CACNA1S: variants seen among roughly 807,000 people sequenced by gnomAD.
CACNA1S encodes the protein calcium voltage-gated channel subunit alpha1 S.
A neutral mutation model predicts 207.4 loss-of-function variants in CACNA1S; 126 were observed. The ratio of observed to expected loss-of-function variants is 0.61; its 90% CI spans 0.53 to 0.70. The LOEUF (loss-of-function observed/expected upper bound fraction) is 0.70. Among genes scored for constraint, CACNA1S ranks in the 30% least tolerant of loss-of-function variants. The pLI, the probability that CACNA1S is intolerant of heterozygous loss-of-function variation, is 0.00. For synonymous variants in CACNA1S, 960 were observed against 932.7 expected, an observed-to-expected ratio of 1.03 and a Z score of -0.53; for missense variants, 2,349 against 2,422.8, an observed-to-expected ratio of 0.97 and a Z score of 0.64.
intron 22 of CACNA1S, among the ~76,000 whole-genome samples, chr1:201,063,479 G>A (rs1358177577): frequency 6.6e-6 from 1 of 152,044 alleles, no homozygotes; most frequent in Non-Finnish European, 1.5e-5. Context: ...TAGTGAGAAG[G>A]GGTTTCACCA....
intron 3 of CACNA1S, among the ~76,000 whole-genome samples, chr1:201,093,648 G>A (rs1572063813): frequency 6.6e-6 from 1 of 152,206 alleles, no homozygotes; most frequent in South Asian, 2.1e-4. Flanking sequence ...GGAATTTATA[G>A]CATCTAGCAG....
chr1:201,059,273 G>A lies in CACNA1S; in HGVS notation c.3441C>T (p.Asn1147=). The A allele has an allele frequency of 6.2e-7, 1 of 1,613,796 alleles. No homozygotes were observed. The highest frequency in any genetic ancestry group is 1.7e-5 in the Admixed American group (1 of 60,024). Residue 1147 remains asparagine (N), a synonymous_variant, in exon 27 of 44, where the codon AAC becomes AAT. Coordinates refer to ENST00000362061, the MANE Select transcript of CACNA1S (RefSeq NM_000069.3). The part of the protein sequence containing the change: ...MQHYNQSEQM[N]HISDILNVAF... ...CCACATTGAGGATGTCTGAGATGTG[G>A]TTCATCTGCTCCGACTGGTTGTAGT...
chr1:201,057,314 C>T (rs758595765), intron 28 of CACNA1S, among the ~76,000 whole-genome samples: 1 of 152,254 alleles, frequency 6.6e-6, no homozygotes, highest in Non-Finnish European at 1.5e-5. Context: ...TCTGCCAACA[C>T]TCTGGCCCCC....
At chr1:201,051,897 G>A (rs1036684691) in intron 32 of CACNA1S, among the ~76,000 whole-genome samples, 4 of 152,134 alleles carry the variant, frequency 2.6e-5, no homozygotes, top group African/African-American at 7.2e-5. Flanking sequence ...GTGAGGTGCC[G>A]GTCTCCTTTT....
rs1178450041 is a variant in CACNA1S at position 201,112,184 on chromosome 1, A to G, written c.152+4T>C. 1.9e-6 allele frequency: 3 copies of G among 1,611,072 alleles called. No individual in the cohort carries two copies. Among genetic ancestry groups the G allele is most frequent in the Non-Finnish European group, 2.5e-6 (3 of 1,178,238 alleles). ...CCCCCCACGGCCCGGGCCCTGAAGG[A>G]TACTTCCATTCTACAATGCTGATGC... On this transcript the variant is annotated splice_donor_region_variant and intron_variant, in intron 1 of 43. Coordinates refer to ENST00000362061, the MANE Select transcript of CACNA1S (RefSeq NM_000069.3).
At chr1:201,050,302 T>G (rs1489090576) in intron 34 of CACNA1S, 87 bp downstream of exon 34, 24 of 1,425,394 alleles carry the variant, frequency 1.7e-5, no homozygotes, top group East Asian at 2.3e-5. Flanking sequence ...CCACTCATAC[T>G]GAATAAACTG....
Position 201,062,344 on chromosome 1 carries a change from G to A in CACNA1S, c.2906+118C>T, listed in dbSNP as rs536021142. The stretch of plus-strand genomic sequence containing the variant: ...ACACACAGTCCCCTGCCCTGTGATC[G>A]TCCTGCCACACTCCCTGCCCCGTGA... On this transcript the variant is annotated intron_variant, in intron 23 of 43. Coordinates refer to ENST00000362061, the MANE Select transcript of CACNA1S (RefSeq NM_000069.3). 64 of 1,106,206 alleles carry A rather than the reference G, an allele frequency of 5.8e-5. No individual in the cohort carries two copies. The East Asian group carries it at 5.9e-4, about 10-fold the overall frequency. The allele number at this position is 1,106,206 out of a possible 1,614,324, so 68.5% of individuals were successfully genotyped here.
intron 22 of CACNA1S, 120 bp downstream of exon 22, chr1:201,065,718 C>T (rs1661212164): frequency 2.7e-6 from 2 of 732,640 alleles, no homozygotes; most frequent in Non-Finnish European, 2.5e-6. Context: ...AAAATATTCT[C>T]ATATGGAAAT....
intron 34 of CACNA1S, 69 bp from the exon 35 acceptor site, chr1:201,049,168 G>A: frequency 9.2e-7 from 1 of 1,086,034 alleles, no homozygotes; most frequent in South Asian, 1.3e-5. Flanking sequence ...CTGCTCAGAG[G>A]ATGGGCAATG....
At chr1:201,058,376 C>A (rs1314558485) in intron 28 of CACNA1S, 32 bp downstream of exon 28, 1 of 1,583,418 alleles carries the variant, frequency 6.3e-7, no homozygotes, top group Non-Finnish European at 8.7e-7. Context: ...TTGGGCCCAC[C>A]CTAGTGATGG....
intron 38 of CACNA1S, among the ~76,000 whole-genome samples, chr1:201,045,776 C>CTGATTT (rs1469677377): frequency 2.7e-5 from 4 of 146,282 alleles, no homozygotes; most frequent in Non-Finnish European, 6.0e-5. Flanking sequence ...TGTTAATTTC[C>CTGATTT]TGATTTTGTG....
chr1:201,075,032 C>A (rs980986862), intron 13 of CACNA1S, among the ~76,000 whole-genome samples: 2 of 152,184 alleles, frequency 1.3e-5, no homozygotes, highest in Non-Finnish European at 2.9e-5. Context: ...CTCTCCGGCC[C>A]CATCCACCTT....
intron 2 of CACNA1S, among the ~76,000 whole-genome samples, chr1:201,103,249 A>C (rs1662745720): frequency 6.6e-6 from 1 of 151,686 alleles, no homozygotes; most frequent in Non-Finnish European, 1.5e-5. Flanking sequence ...GGTCTCAAAA[A>C]AAAAAAAAAA....
chr1:201,043,353 G>A lies in CACNA1S; in HGVS notation c.4976C>T (p.Ala1659Val). 1.2e-6 allele frequency: 2 copies of A among 1,614,200 alleles called. No individual in the cohort carries two copies. The highest frequency in any genetic ancestry group is 1.3e-5 in the African/African-American group (1 of 75,046). The change falls in exon 40 of 44, where the codon GCC becomes GTC. Residue 1659 changes from alanine (A) to valine (V), a missense_variant. Coordinates refer to ENST00000362061, the MANE Select transcript of CACNA1S (RefSeq NM_000069.3). ...QDPRTNPLAR[A>V]NTNNANANVA... ...ATTGGCGTTGGCATTGTTGGTATTG[G>A]CACGAGCCAGGGGGTTGGTGCGTGG...
At chr1:201,082,545 C>A (rs950328512) in intron 10 of CACNA1S, among the ~76,000 whole-genome samples, 1 of 152,192 alleles carries the variant, frequency 6.6e-6, no homozygotes, top group Non-Finnish European at 1.5e-5. Flanking sequence ...CCTTTAAGAT[C>A]CACAGAGTTT....
intron 42 of CACNA1S, 27 bp downstream of exon 42, chr1:201,040,595 T>C (rs1384607845): frequency 1.3e-6 from 2 of 1,599,698 alleles, no homozygotes; most frequent in East Asian, 2.2e-5. Context: ...TGTATGGAGT[T>C]TGCTCCCAGG....
intron 10 of CACNA1S, among the ~76,000 whole-genome samples, chr1:201,082,119 T>C (rs113743154): frequency 0.064 from 9,587 of 150,510 alleles, 394 homozygotes; most frequent in East Asian, 0.19. Context: ...ATCTCCACCT[T>C]CCAGGTTCAA....
chr1:201,111,362 C>T (rs575160288), intron 1 of CACNA1S, among the ~76,000 whole-genome samples: 6 of 152,196 alleles, frequency 3.9e-5, no homozygotes, highest in Non-Finnish European at 7.4e-5. Context: ...GCTCTCAGAA[C>T]CCACTTGACA....
rs763695518 is a variant in CACNA1S at position 201,044,330 on chromosome 1, G to A, written c.4795C>T (p.Arg1599Trp). ...GGGTGCTCCTGGCTCTCCCTCACCC[G>A]GAATATTCCCTCCTCCATCGCAGCC... The part of the protein sequence containing the change: ...VEAAMEEGIF[R>W]RTGGLFGQVD... Residue 1599 changes from arginine to tryptophan, a missense_variant and splice_region_variant, in exon 39 of 44, where the codon CGG becomes TGG. Physicochemically the swap from Arg to Trp is moderately radical, Grantham distance 101 (BLOSUM62 -3). Coordinates refer to ENST00000362061, the MANE Select transcript of CACNA1S (RefSeq NM_000069.3). 19 of 1,613,112 alleles carry A rather than the reference G, an allele frequency of 1.2e-5. No homozygotes were observed. The highest frequency in any genetic ancestry group is 1.4e-5 in the Non-Finnish European group (16 of 1,179,574).
Sources: gnomAD v4.1 joint callset for allele counts (sites outside exome capture counted in the v4.1 genomes callset) on GRCh38, gnomAD v4.1.1 for gene constraint, MANE v1.5 for transcripts, NCBI Gene and HGNC (gene_info 2026-07-23, HGNC 2026-07-21) for gene names.